Variants in ATP8B4 observed in about 807,000 individuals in gnomAD.
ATP8B4 encodes ATPase phospholipid transporting 8B4 (putative).
Under a neutral mutation model 145.6 loss-of-function variants are expected in ATP8B4, and 133 were observed. That is an observed-to-expected ratio of 0.91 (90% CI 0.79 to 1.05). ATP8B4 has a LOEUF of 1.05. Among genes scored for constraint, ATP8B4 ranks in the 50% least tolerant of loss-of-function variants. The pLI, the probability that ATP8B4 is intolerant of heterozygous loss-of-function variation, is 0.00. For missense variants in ATP8B4, 1,458 were observed against 1,425.2 expected (o/e 1.02, Z -0.37); for synonymous variants, 507 against 492.9 (o/e 1.03, Z -0.38).
intron 2 of ATP8B4, among the ~76,000 whole-genome samples, chr15:50,090,529 C>T (rs1390790460): frequency 6.6e-6 from 1 of 152,138 alleles, no homozygotes; most frequent in Non-Finnish European, 1.5e-5. Context: ...TGTGAGGACA[C>T]AGTAAAAACA....
intron 13 of ATP8B4, among the ~76,000 whole-genome samples, chr15:49,968,337 TAAAG>T (rs1429875146): frequency 3.3e-5 from 5 of 152,160 alleles, no homozygotes; most frequent in African/African-American, 1.2e-4. Context: ...GCAAACTGCA[TAAAG>T]AGTCAAGACC....
At chr15:50,049,131 T>C (rs2051969490) in intron 3 of ATP8B4, among the ~76,000 whole-genome samples, 1 of 152,252 alleles carries the variant, frequency 6.6e-6, no homozygotes, top group Non-Finnish European at 1.5e-5. Context: ...CCATTTTTCC[T>C]ACAATAAGCT....
chr15:50,062,826 T>C (rs1476463170), intron 3 of ATP8B4, among the ~76,000 whole-genome samples: 2 of 152,200 alleles, frequency 1.3e-5, no homozygotes, highest in Admixed American at 1.3e-4. Flanking sequence ...TAGAAAAGCA[T>C]TTCTTTTTCT....
chr15:49,950,619 C>CAACAA (rs2043009022), intron 14 of ATP8B4, among the ~76,000 whole-genome samples: 3 of 109,954 alleles, frequency 2.7e-5, no homozygotes, highest in African/African-American at 3.9e-5. Context: ...AACAAACAAA[C>CAACAA]AAAAAAAACA....
intron 10 of ATP8B4, 133 bp from the exon 11 acceptor site, chr15:49,981,427 G>A: frequency 1.5e-6 from 1 of 663,178 alleles, no homozygotes; most frequent in Non-Finnish European, 2.4e-6. Flanking sequence ...TAAGAGCAAG[G>A]GCCATTAAGT....
intron 6 of ATP8B4, among the ~76,000 whole-genome samples, chr15:50,018,659 T>A (rs2049291042): frequency 6.6e-6 from 1 of 152,234 alleles, no homozygotes; most frequent in African/African-American, 2.4e-5. Flanking sequence ...AAAGATTGTC[T>A]AATAAAGGAT....
At chr15:50,040,894 T>TCC in intron 5 of ATP8B4, among the ~76,000 whole-genome samples, 1 of 152,332 alleles carries the variant, frequency 6.6e-6, no homozygotes, top group African/African-American at 2.4e-5. Flanking sequence ...CATTGTGTAC[T>TCC]CCCTGTGAGC....
intron 3 of ATP8B4, among the ~76,000 whole-genome samples, chr15:50,049,388 A>T (rs1396063045): frequency 6.6e-6 from 1 of 152,212 alleles, no homozygotes; most frequent in Non-Finnish European, 1.5e-5. Context: ...CTCATAAGTG[A>T]GAACTTGCAG....
At chr15:50,066,952 CCCT>C (rs1395020780) in intron 3 of ATP8B4, among the ~76,000 whole-genome samples, 6 of 152,146 alleles carry the variant, frequency 3.9e-5, no homozygotes, top group Admixed American at 6.6e-5. Flanking sequence ...GTTCACCACT[CCCT>C]CTTTCCTGAG....
At chr15:50,046,518 AAACT>A (rs1183759668) in intron 4 of ATP8B4, among the ~76,000 whole-genome samples, 2 of 152,278 alleles carry the variant, frequency 1.3e-5, no homozygotes, top group Non-Finnish European at 2.9e-5. Flanking sequence ...TCTTTTGCTC[AAACT>A]AATTAAGATT....
At chr15:50,045,330 A>G (rs2051631112) in intron 4 of ATP8B4, among the ~76,000 whole-genome samples, 1 of 152,186 alleles carries the variant, frequency 6.6e-6, no homozygotes. Flanking sequence ...CAACTGGGCC[A>G]AGATCACATA....
chr15:49,993,543 T>C (rs982614006), intron 9 of ATP8B4, among the ~76,000 whole-genome samples: 4 of 152,182 alleles, frequency 2.6e-5, no homozygotes, highest in Admixed American at 1.3e-4. Flanking sequence ...TGCCGCACCT[T>C]GCATCATCCT....
At chr15:50,138,458 TAGACAGATAGATAGAC>T (rs2044162348) in intron 1 of ATP8B4, among the ~76,000 whole-genome samples, 2 of 148,988 alleles carry the variant, frequency 1.3e-5, no homozygotes, top group Non-Finnish European at 1.5e-5. Context: ...AGACAGATGA[TAGACAGATAGATAGAC>T]AGACAGATAG....
At chr15:50,167,819 A>G (rs2044616412) in intron 1 of ATP8B4, among the ~76,000 whole-genome samples, 1 of 152,218 alleles carries the variant, frequency 6.6e-6, no homozygotes, top group Non-Finnish European at 1.5e-5. Flanking sequence ...ACATGCTTCA[A>G]TGTGAAGTAA....
chr15:50,031,498 A>G (rs1240712147), intron 6 of ATP8B4, among the ~76,000 whole-genome samples: 1 of 152,180 alleles, frequency 6.6e-6, no homozygotes, highest in African/African-American at 2.4e-5. Flanking sequence ...CCACTCTCCC[A>G]CTTACAAGAC....
intron 16 of ATP8B4, among the ~76,000 whole-genome samples, chr15:49,924,384 C>A (rs2040525906): frequency 1.3e-5 from 2 of 152,160 alleles, no homozygotes; most frequent in African/African-American, 2.4e-5. Context: ...AGACAACTGC[C>A]TTTGTCACAA....
At chr15:49,997,553 T>C (rs566620047) in intron 8 of ATP8B4, among the ~76,000 whole-genome samples, 35 of 152,212 alleles carry the variant, frequency 2.3e-4, no homozygotes, top group African/African-American at 8.2e-4. Context: ...ATTAAATACA[T>C]ACCCTAGTCA....
chr15:50,041,893 T>C (rs879339713), intron 5 of ATP8B4, among the ~76,000 whole-genome samples: 7 of 152,038 alleles, frequency 4.6e-5, no homozygotes, highest in African/African-American at 7.3e-5. Context: ...TGAGCCAAGA[T>C]TGCGCCACTG....
intron 1 of ATP8B4, among the ~76,000 whole-genome samples, chr15:50,154,458 A>T (rs532736569): frequency 6.6e-6 from 1 of 152,294 alleles, no homozygotes; most frequent in Admixed American, 6.5e-5. Context: ...CCAAAAACAT[A>T]TTTTTGGTAC....
Sources: gnomAD v4.1 joint callset for allele counts (sites outside exome capture counted in the v4.1 genomes callset) on GRCh38, gnomAD v4.1.1 for gene constraint, MANE v1.5 for transcripts, NCBI Gene and HGNC (gene_info 2026-07-23, HGNC 2026-07-21) for gene names.